ATR: variants seen among roughly 807,000 people sequenced by gnomAD.
The protein encoded by ATR is ATR checkpoint kinase.
ATR carries 142 observed loss-of-function variants against 305.3 expected under a neutral mutation model. That is an observed-to-expected ratio of 0.47 (90% CI 0.41 to 0.53). The LOEUF (loss-of-function observed/expected upper bound fraction) is 0.53, where lower values mean the gene tolerates loss of function less well. Among genes scored for constraint, ATR ranks in the 20% least tolerant of loss-of-function variants. ATR has a pLI of 0.00. For missense variants in ATR, 2,135 were observed against 3,133.1 expected (o/e 0.68, Z 7.60); for synonymous variants, 1,050 against 1,068.1 (o/e 0.98, Z 0.33).
intron 22 of ATR, 38 bp from the exon 23 acceptor site, chr3:142,522,879 C>T (rs1211517210): frequency 2.7e-6 from 4 of 1,485,448 alleles, no homozygotes; most frequent in Non-Finnish European, 3.8e-6. Context: ...TCCAGGATAA[C>T]TGCTATAAAT....
At chr3:142,512,862 A>G (rs1330532368) in intron 26 of ATR, among the ~76,000 whole-genome samples, 11 of 152,218 alleles carry the variant, frequency 7.2e-5, no homozygotes, top group African/African-American at 2.7e-4. Flanking sequence ...CAAAAAAAGA[A>G]AAGGAAAACA....
At chr3:142,452,913 T>G in intron 46 of ATR, 1 of 1,394,626 alleles carries the variant, frequency 7.2e-7, no homozygotes. Context: ...TGCCATGAAC[T>G]TTTATTATAC....
chr3:142,457,148 T>G (rs769041585), intron 45 of ATR, among the ~76,000 whole-genome samples: 1 of 152,168 alleles, frequency 6.6e-6, no homozygotes, highest in Non-Finnish European at 1.5e-5. Flanking sequence ...TGATACATGA[T>G]GAACACTGAA....
At chr3:142,511,217 C>T (rs1204694097) in intron 27 of ATR, among the ~76,000 whole-genome samples, 2 of 152,060 alleles carry the variant, frequency 1.3e-5, no homozygotes, top group Admixed American at 1.3e-4. Context: ...CACACACACA[C>T]ACAAAAACTG....
chr3:142,476,392 T>A (rs937370059), intron 36 of ATR, among the ~76,000 whole-genome samples: 1 of 152,190 alleles, frequency 6.6e-6, no homozygotes, highest in Non-Finnish European at 1.5e-5. Flanking sequence ...TGGTCGAAGA[T>A]CAGATAGTTG....
intron 21 of ATR, among the ~76,000 whole-genome samples, chr3:142,525,712 A>T (rs1660997638): frequency 1.3e-5 from 2 of 151,500 alleles, no homozygotes; most frequent in Admixed American, 1.3e-4. Context: ...TGTGAGCTGG[A>T]CTCCATTAGT....
Position 142,497,006 on chromosome 3 carries a change from G to A in ATR, c.5738+7C>T, listed in dbSNP as rs2031687072. ...GTGACATTTTTAAAAAAAGTAGTGT[G>A]AGAAACCTTTTGTTGAGGCTTAGTA... On this transcript the variant is annotated splice_region_variant and intron_variant, in intron 33 of 46. Transcript: ENST00000350721. 6.2e-7 allele frequency: 1 copy of A among 1,611,876 alleles called. No individual in the cohort carries two copies. Among genetic ancestry groups the A allele is most frequent in the Non-Finnish European group, 8.5e-7 (1 of 1,178,880 alleles).
In ATR at chr3:142,457,336, C is replaced by A. The variant is rs553322441; in HGVS notation, c.7655+268G>T. ...GATCAGGAGTGACTGCTAATGCCTACGGAATTTCTTTTTGGGCTGATGAAA... is the reference window on the plus strand; with the variant it reads ...GATCAGGAGTGACTGCTAATGCCTAAGGAATTTCTTTTTGGGCTGATGAAA... On this transcript the variant is annotated intron_variant, in intron 45 of 46. Transcript: ENST00000350721. 3.3e-5 allele frequency among the ~76,000 whole-genome samples: 5 copies of A among 151,888 alleles called. No homozygotes were observed. The South Asian group carries it at 8.3e-4, about 25-fold the overall frequency.
chr3:142,450,572 G>C (rs774284082), intron 46 of ATR: 8 of 1,607,598 alleles, frequency 5.0e-6, no homozygotes, highest in African/African-American at 1.3e-5. Flanking sequence ...CAAACTTCAC[G>C]TTACTTAAAT....
Position 142,512,197 on chromosome 3 carries a change from G to A in ATR, c.4852+63C>T, listed in dbSNP as rs191902845. 6 of 1,358,392 alleles carry A rather than the reference G, an allele frequency of 4.4e-6. No individual in the cohort carries two copies. In the East Asian group the frequency reaches 1.4e-4, roughly 31 times the overall value. 84.1% of individuals were successfully genotyped at this position (1,358,392 alleles called of 1,614,324 possible). A position where few individuals can be genotyped will look rare whatever the true frequency, so the allele number is the denominator to read the frequency against. On this transcript the variant is annotated intron_variant, in intron 27 of 46. Transcript: ENST00000350721. ...TGCTTAAATTATAGAACTGATAAAG[G>A]GAAGAGCTAATTGGTGAATAGCTAA...
intron 1 of ATR, among the ~76,000 whole-genome samples, chr3:142,574,429 T>A (rs1411308069): frequency 7.5e-6 from 1 of 133,634 alleles, no homozygotes; most frequent in African/African-American, 2.9e-5. Flanking sequence ...GCTATTGAAC[T>A]CCAGCCTGAG....
At chr3:142,490,255 T>C (rs1363230867) in intron 35 of ATR, among the ~76,000 whole-genome samples, 1 of 152,170 alleles carries the variant, frequency 6.6e-6, no homozygotes, top group East Asian at 1.9e-4. Context: ...AGGTTCTCAC[T>C]ATATTGCCCA....
chr3:142,536,248 T>C lies in ATR; in HGVS notation c.3726-47A>G, dbSNP rs73240314. 195,606 of 1,331,720 alleles carry C rather than the reference T, an allele frequency of 0.15. 15,104 individuals are homozygous for C. Among genetic ancestry groups the C allele is most frequent in the Non-Finnish European group, 0.16 (147,529 of 929,950 alleles). 82.5% of individuals were successfully genotyped at this position (1,331,720 alleles called of 1,614,324 possible). A position where few individuals can be genotyped will look rare whatever the true frequency, so the allele number is the denominator to read the frequency against. On this transcript the variant is annotated intron_variant, in intron 19 of 46. Transcript: ENST00000350721. ...AAGAATTATTTGCCAAGAATATGAA[T>C]ACTAAAAAAATGTAAAGTAAAAGTT...
intron 18 of ATR, 117 bp from the exon 19 acceptor site, chr3:142,538,742 C>T (rs1390523079): frequency 8.3e-6 from 11 of 1,321,104 alleles, no homozygotes; most frequent in Non-Finnish European, 9.5e-6. Flanking sequence ...TAAAAGGCAG[C>T]TTTAAACATG....
At chr3:142,467,176 G>A (rs866499061) in intron 39 of ATR, among the ~76,000 whole-genome samples, 2 of 152,092 alleles carry the variant, frequency 1.3e-5, no homozygotes, top group South Asian at 2.1e-4. Context: ...TTTGTCAAGT[G>A]AAGTCTAGCT....
chr3:142,564,192 T>C (rs912694528), intron 3 of ATR, among the ~76,000 whole-genome samples: 123 of 152,212 alleles, frequency 8.1e-4, no homozygotes, highest in African/African-American at 2.8e-3. Flanking sequence ...AACGTAAACA[T>C]AACTTTTATA....
At chr3:142,478,162 G>T (rs1192044075) in intron 36 of ATR, among the ~76,000 whole-genome samples, 1 of 152,088 alleles carries the variant, frequency 6.6e-6, no homozygotes, top group Non-Finnish European at 1.5e-5. Context: ...TGCTTTTCTA[G>T]TTCTTTTAAT....
intron 1 of ATR, among the ~76,000 whole-genome samples, chr3:142,569,712 T>C (rs2035200454): frequency 6.6e-6 from 1 of 151,824 alleles, no homozygotes; most frequent in African/African-American, 2.4e-5. Context: ...AGTGGCATGA[T>C]CTCAACTCAC....
rs576984434 is a variant in ATR at position 142,458,859 on chromosome 3, G to A, written c.7503+99C>T. 6.8e-5 allele frequency: 92 copies of A among 1,362,170 alleles called. 1 individual carries two copies. In the African/African-American group the frequency reaches 1.2e-3, roughly 17 times the overall value. 84.4% of individuals were successfully genotyped at this position (1,362,170 alleles called of 1,614,324 possible). ...AATTCTCAGTATAACTCAACTGTGA[G>A]TATAACTGCTACTAACAGGTATGTC... On this transcript the variant is annotated intron_variant, in intron 44 of 46. Transcript: ENST00000350721.
Sources: gnomAD v4.1 joint callset for allele counts (sites outside exome capture counted in the v4.1 genomes callset) on GRCh38, gnomAD v4.1.1 for gene constraint, MANE v1.5 for transcripts, NCBI Gene and HGNC (gene_info 2026-07-23, HGNC 2026-07-21) for gene names.